Variants in ACOXL observed in about 807,000 individuals in gnomAD.
The protein encoded by ACOXL is acyl-coenzyme A oxidase-like protein.
In ACOXL, 70 loss-of-function variants were observed where a neutral mutation model predicts 71.9. That is an observed-to-expected ratio of 0.97 (90% CI 0.80 to 1.19). ACOXL has a LOEUF of 1.19. Ranked by LOEUF, ACOXL falls within the 50% of genes most tolerant of loss-of-function variation. ACOXL has a pLI of 0.00. For missense variants in ACOXL, 703 were observed against 736.3 expected (o/e 0.95, Z 0.52); for synonymous variants, 253 against 281.6 (o/e 0.90, Z 1.02).
intron 12 of ACOXL, among the ~76,000 whole-genome samples, chr2:110,959,685 G>A (rs921802082): frequency 7.2e-5 from 11 of 152,130 alleles, no homozygotes; most frequent in East Asian, 3.9e-4. Context: ...CTACCTCCCC[G>A]CCACCCCCTG....
chr2:111,004,521 T>A (rs908655112), intron 14 of ACOXL, among the ~76,000 whole-genome samples: 3 of 152,190 alleles, frequency 2.0e-5, no homozygotes, highest in African/African-American at 4.8e-5. Context: ...ATGCCCTTCC[T>A]TCAATGTGTT....
intron 13 of ACOXL, among the ~76,000 whole-genome samples, chr2:110,988,198 G>A (rs570512541): frequency 1.3e-5 from 2 of 152,304 alleles, no homozygotes; most frequent in Non-Finnish European, 2.9e-5. Context: ...AGCACTTTGG[G>A]AGGCCAGGAC....
At chr2:110,769,545 T>C (rs748394279) in intron 2 of ACOXL, among the ~76,000 whole-genome samples, 3 of 151,286 alleles carry the variant, frequency 2.0e-5, no homozygotes, top group Admixed American at 6.6e-5. Context: ...TCCTAGCACT[T>C]TGGGAGGGAA....
chr2:110,766,928 G>A (rs1681154639), intron 1 of ACOXL, among the ~76,000 whole-genome samples: 1 of 152,204 alleles, frequency 6.6e-6, no homozygotes, highest in Non-Finnish European at 1.5e-5. Context: ...TGCTCTGCAA[G>A]ACAAGAGGTG....
chr2:110,888,266 C>T (rs1697550677), intron 10 of ACOXL, among the ~76,000 whole-genome samples: 1 of 152,162 alleles, frequency 6.6e-6, no homozygotes, highest in East Asian at 1.9e-4. Flanking sequence ...GATCAAGTTC[C>T]AACATGACCT....
At position 111,023,491 on chromosome 2, in the gene ACOXL, G is replaced by A. The variant is rs1329508086; in HGVS notation, c.1282-8136G>A. Among the ~76,000 whole-genome samples, 3 of 152,152 alleles carry A rather than the reference G, an allele frequency of 2.0e-5. No homozygotes were observed. The East Asian group carries it at 5.8e-4, about 29-fold the overall frequency. ...GATTACAGGGAGACATCTGTAGCCC[G>A]TGGAAGTGGTATTGGGCTGGAAGGC... On this transcript the variant is annotated intron_variant, in intron 14 of 17. Coordinates refer to ENST00000439055, the MANE Select transcript of ACOXL (RefSeq NM_001142807.4).
chr2:110,849,824 C>T (rs7576541), intron 10 of ACOXL, among the ~76,000 whole-genome samples: 98,428 of 152,056 alleles, frequency 0.65, 32,542 homozygotes, highest in South Asian at 0.8. Flanking sequence ...AAGAACAGAG[C>T]TGGAAGACTT....
chr2:110,814,485 A>T (rs1687693415), intron 9 of ACOXL, among the ~76,000 whole-genome samples: 1 of 152,132 alleles, frequency 6.6e-6, no homozygotes, highest in South Asian at 2.1e-4. Context: ...ACCATAATGA[A>T]ATTTAGTAAG....
At chr2:110,904,448 CCT>C (rs1195356548) in intron 10 of ACOXL, among the ~76,000 whole-genome samples, 1 of 152,188 alleles carries the variant, frequency 6.6e-6, no homozygotes, top group African/African-American at 2.4e-5. Context: ...TGCCCTCCTG[CCT>C]CTGTCTTTCC....
chr2:111,114,543 G>A (rs552601774), intron 17 of ACOXL, among the ~76,000 whole-genome samples: 10 of 152,288 alleles, frequency 6.6e-5, no homozygotes, highest in Non-Finnish European at 1.2e-4. Context: ...ACAGCATGTG[G>A]TCATCTTATG....
intron 1 of ACOXL, among the ~76,000 whole-genome samples, chr2:110,763,716 C>A (rs1680688126): frequency 6.6e-6 from 1 of 152,178 alleles, no homozygotes; most frequent in South Asian, 2.1e-4. Flanking sequence ...GGAAAACTTT[C>A]TGCTCTGTGA....
chr2:111,032,575 G>C (rs1031140684), intron 15 of ACOXL, among the ~76,000 whole-genome samples: 2 of 152,182 alleles, frequency 1.3e-5, no homozygotes, highest in African/African-American at 4.8e-5. Flanking sequence ...AAAGAGAAAG[G>C]CCAGTTGTTC....
intron 10 of ACOXL, among the ~76,000 whole-genome samples, chr2:110,863,986 T>C (rs11123211): frequency 0.3 from 46,002 of 152,048 alleles, 7,330 homozygotes; most frequent in Non-Finnish European, 0.35. Context: ...TCCTCCCTCT[T>C]CTGCTTCTTC....
intron 10 of ACOXL, among the ~76,000 whole-genome samples, chr2:110,848,621 A>G (rs1173283683): frequency 6.6e-6 from 1 of 152,170 alleles, no homozygotes; most frequent in African/African-American, 2.4e-5. Context: ...AATGTAGCAG[A>G]TGGATGTGTC....
At chr2:111,093,145 G>A (rs2068623474) in intron 17 of ACOXL, among the ~76,000 whole-genome samples, 179 bp downstream of exon 17, 1 of 150,966 alleles carries the variant, frequency 6.6e-6, no homozygotes, top group South Asian at 2.1e-4. Context: ...GAGTTTAGGT[G>A]ACAAGGGAGT....
chr2:111,059,902 TGAG>T (rs1417618947), intron 16 of ACOXL, among the ~76,000 whole-genome samples: 2 of 138,782 alleles, frequency 1.4e-5, no homozygotes, highest in Non-Finnish European at 3.1e-5. Context: ...GAGAAAAAAA[TGAG>T]GAGAAGAAAG....
chr2:110,841,564 C>T (rs1412354898), intron 10 of ACOXL, among the ~76,000 whole-genome samples, 159 bp downstream of exon 10: 2 of 152,082 alleles, frequency 1.3e-5, no homozygotes, highest in Non-Finnish European at 2.9e-5. Flanking sequence ...TTGGCAAGAG[C>T]ACATTGCTAT....
chr2:110,857,243 G>A (rs1316289154), intron 10 of ACOXL, among the ~76,000 whole-genome samples: 1 of 152,188 alleles, frequency 6.6e-6, no homozygotes, highest in Non-Finnish European at 1.5e-5. Flanking sequence ...ACATATAGAT[G>A]TAGAAGATTG....
In ACOXL at chr2:110,996,528, C is replaced by T. The variant is rs146441282; in HGVS notation, c.1281+524C>T. On this transcript the variant is annotated intron_variant, in intron 14 of 17. Coordinates refer to ENST00000439055, the MANE Select transcript of ACOXL (RefSeq NM_001142807.4). ...GGGGTTAGTTTGAGGGATCACTGTC[C>T]ACCCTAGCAATATCTGTTTCATCTT... 2.6e-3 allele frequency among the ~76,000 whole-genome samples: 392 copies of T among 152,236 alleles called. 9 individuals carry two copies. The East Asian group carries it at 0.049, about 19-fold the overall frequency.
Sources: gnomAD v4.1 joint callset for allele counts (sites outside exome capture counted in the v4.1 genomes callset) on GRCh38, gnomAD v4.1.1 for gene constraint, MANE v1.5 for transcripts, NCBI Gene and HGNC (gene_info 2026-07-23, HGNC 2026-07-21) for gene names.